Variants in NEXN observed in about 807,000 individuals in gnomAD.
The protein encoded by NEXN is nexilin.
Under a neutral mutation model 92.6 loss-of-function variants are expected in NEXN, and 65 were observed. That is an observed-to-expected ratio of 0.70 (90% confidence interval 0.57 to 0.86). The LOEUF is 0.86. Among genes scored for constraint, NEXN ranks in the 40% least tolerant of loss-of-function variants. NEXN has a pLI of 0.00. For missense variants in NEXN, 778 were observed against 771.1 expected, an observed-to-expected ratio of 1.01 and a Z score of -0.11; for synonymous variants, 254 against 242.5, an observed-to-expected ratio of 1.05 and a Z score of -0.44.
chr1:77,893,859 A>T (rs1233123915), intron 1 of NEXN, among the ~76,000 whole-genome samples: 2 of 151,084 alleles, frequency 1.3e-5, no homozygotes, highest in Non-Finnish European at 2.9e-5. Flanking sequence ...TTTAGACAGA[A>T]TTTTGCTCTT....
Position 77,925,176 on chromosome 1 carries a change from C to T in NEXN, c.448-12C>T. The T allele has an allele frequency of 6.4e-7, 1 of 1,568,796 alleles. No individual in the cohort carries two copies. The highest frequency in any genetic ancestry group is 8.8e-7 in the Non-Finnish European group (1 of 1,142,162). ...TGATGTAATGTAATGATATGAAATTCTCATTCAATAGATTGAGGACATAAA... is the reference window on the plus strand; with the variant it reads ...TGATGTAATGTAATGATATGAAATTTTCATTCAATAGATTGAGGACATAAA... On this transcript the variant is annotated splice_polypyrimidine_tract_variant and intron_variant, in intron 5 of 12. Coordinates refer to ENST00000334785, the MANE Select transcript of NEXN (RefSeq NM_144573.4).
chr1:77,903,999 TTTTA>T (rs1449702430), intron 1 of NEXN, among the ~76,000 whole-genome samples: 4 of 152,104 alleles, frequency 2.6e-5, no homozygotes, highest in Admixed American at 1.3e-4. Flanking sequence ...TAGTTTTTAT[TTTTA>T]TTTTTTTGTG....
intron 2 of NEXN, among the ~76,000 whole-genome samples, chr1:77,917,138 T>G (rs1649041515): frequency 6.6e-6 from 1 of 152,308 alleles, no homozygotes; most frequent in East Asian, 1.9e-4. Flanking sequence ...AGCCTAAACT[T>G]TTGCTTTGTT....
At chr1:77,935,795 G>C in intron 10 of NEXN, 28 bp from the exon 11 acceptor site, 2 of 1,589,142 alleles carry the variant, frequency 1.3e-6, no homozygotes, top group South Asian at 2.2e-5. Flanking sequence ...AAAAACAGCA[G>C]CAACAAACTT....
chr1:77,910,619 G>A (rs1308349693), intron 1 of NEXN, among the ~76,000 whole-genome samples: 3 of 151,622 alleles, frequency 2.0e-5, no homozygotes, highest in South Asian at 2.1e-4. Context: ...GGTGTCGTCG[G>A]TCGCGCCTGT....
intron 11 of NEXN, 117 bp downstream of exon 11, chr1:77,936,161 G>C: frequency 2.8e-6 from 2 of 704,122 alleles, no homozygotes; most frequent in Non-Finnish European, 4.8e-6. Context: ...GGTATATACA[G>C]TAATCTGGGA....
intron 9 of NEXN, 87 bp from the exon 10 acceptor site, chr1:77,933,195 A>C (rs540644150): frequency 4.2e-5 from 39 of 926,632 alleles, no homozygotes; most frequent in Non-Finnish European, 6.0e-5. Flanking sequence ...AACAAACAAA[A>C]AAAAGAAATC....
rs781511028 is a variant in NEXN at position 77,942,514 on chromosome 1, T to C, written c.1713T>C (p.Ala571=). The change falls in exon 13 of 13, where the codon GCT becomes GCC. Residue 571 remains alanine (A), a synonymous_variant. Coordinates refer to ENST00000334785, the MANE Select transcript of NEXN (RefSeq NM_144573.4). ...EEGSIMNGST[A]EDEEQTRSGA... is the part of the protein sequence containing the mutation. Reference sequence around the variant, plus strand: ...GTAGCATCATGAATGGCTCCACTGCTGAAGATGAAGAGCAAACCAGATCAG... The same window carrying C: ...GTAGCATCATGAATGGCTCCACTGCCGAAGATGAAGAGCAAACCAGATCAG... 6.2e-7 allele frequency: 1 copy of C among 1,613,898 alleles called. No individual in the cohort carries two copies. Among genetic ancestry groups the C allele is most frequent in the South Asian group, 1.1e-5 (1 of 91,066 alleles).
At position 77,892,860 on chromosome 1, in the gene NEXN, T is replaced by C. The variant is rs192330928; in HGVS notation, c.-53+4101T>C. Among the ~76,000 whole-genome samples, 1,013 of 151,952 alleles carry C rather than the reference T, an allele frequency of 6.7e-3. 10 individuals carry two copies. Among genetic ancestry groups the C allele is most frequent in the African/African-American group, 0.023 (955 of 41,418 alleles). ...TAAGGAAGTATTTCCTAGGATCTTG[T>C]AAATAATCTTTTTTTTTTTTTTTTG... On this transcript the variant is annotated intron_variant, in intron 1 of 12. Coordinates refer to ENST00000334785, the MANE Select transcript of NEXN (RefSeq NM_144573.4).
chr1:77,901,203 G>A (rs1258580531), intron 1 of NEXN, among the ~76,000 whole-genome samples: 1 of 152,066 alleles, frequency 6.6e-6, no homozygotes, highest in Non-Finnish European at 1.5e-5. Context: ...ATTAGTATAA[G>A]GTCATATTTT....
chr1:77,930,058 C>A (rs1021943182), intron 9 of NEXN, among the ~76,000 whole-genome samples: 1 of 152,212 alleles, frequency 6.6e-6, no homozygotes, highest in African/African-American at 2.4e-5. Context: ...ACTTCCTATA[C>A]CAGTTTTATG....
intron 1 of NEXN, among the ~76,000 whole-genome samples, chr1:77,907,110 G>A (rs1648175123): frequency 6.6e-6 from 1 of 152,178 alleles, no homozygotes; most frequent in Admixed American, 6.5e-5. Flanking sequence ...TTTTATTCAT[G>A]TTTTGTGACT....
intron 1 of NEXN, among the ~76,000 whole-genome samples, chr1:77,911,389 C>T (rs535933759): frequency 2.6e-5 from 4 of 152,200 alleles, no homozygotes; most frequent in South Asian, 2.1e-4. Flanking sequence ...GTCAGGAGTT[C>T]GAGACCAGCC....
In NEXN at chr1:77,935,986, C is replaced by G. The variant is rs539665448; in HGVS notation, c.1415C>G (p.Ala472Gly). 3.0e-5 allele frequency: 49 copies of G among 1,613,790 alleles called. No homozygotes were observed. Among genetic ancestry groups the G allele is most frequent in the Admixed American group, 2.2e-4 (13 of 59,988 alleles). Residue 472 changes from alanine to glycine, a missense_variant, in exon 11 of 13, where the codon GCA (alanine) becomes GGA (glycine). Physicochemically the swap from Ala to Gly is moderately conservative, Grantham distance 60. This residue lies in a region of NEXN where 532 missense variants were observed against 476.7 expected (regional missense o/e 1.12). Transcript: ENST00000334785. ...CAGAAAAAAATAGAAGAAGAGCGAG[C>G]AAGAAGGAGAGCAATTGACCTTGAA... is the stretch of plus-strand genomic sequence containing the variant. ...EIQKKIEEER[A>G]RRRAIDLEIK...
intron 1 of NEXN, among the ~76,000 whole-genome samples, chr1:77,897,127 G>A (rs2102037072): frequency 6.6e-6 from 1 of 152,296 alleles, no homozygotes; most frequent in East Asian, 1.9e-4. Flanking sequence ...CCAATCAATA[G>A]GAAAAGAGGG....
At position 77,942,489 on chromosome 1, in the gene NEXN, G is replaced by A. The variant is rs1302389645; in HGVS notation, c.1688G>A (p.Gly563Asp). The part of the protein sequence containing the change: ...KKREEEEEEE[G>D]SIMNGSTAED... ...AGAGAAGAGGAGGAGGAGGAAGAAG[G>A]TAGCATCATGAATGGCTCCACTGCT... The change falls in exon 13 of 13, where the codon GGT becomes GAT. Residue 563 changes from glycine (G) to aspartate (D), a missense_variant. Physicochemically the swap from Gly to Asp is moderately conservative, Grantham distance 94 (BLOSUM62 -1). This residue lies in a region of NEXN where 532 missense variants were observed against 476.7 expected (regional missense o/e 1.12). Transcript: ENST00000334785. The A allele has an allele frequency of 1.2e-6, 2 of 1,613,788 alleles. No individual in the cohort carries two copies. The highest frequency in any genetic ancestry group is 1.7e-6 in the Non-Finnish European group (2 of 1,179,808).
chr1:77,939,951 A>G (rs925174422), intron 11 of NEXN, among the ~76,000 whole-genome samples: 1 of 152,154 alleles, frequency 6.6e-6, no homozygotes, highest in Non-Finnish European at 1.5e-5. Flanking sequence ...GCAGACGCCT[A>G]TAATCCCAGC....
intron 9 of NEXN, among the ~76,000 whole-genome samples, chr1:77,932,413 C>T (rs925877266): frequency 6.6e-6 from 1 of 152,154 alleles, no homozygotes; most frequent in South Asian, 2.1e-4. Flanking sequence ...ATACACTTTA[C>T]GTGCTTATAA....
chr1:77,914,522 A>G (rs572399674), intron 1 of NEXN, among the ~76,000 whole-genome samples: 34 of 152,232 alleles, frequency 2.2e-4, no homozygotes, highest in African/African-American at 7.7e-4. Flanking sequence ...ATTGATATTA[A>G]TAATTACATT....
Sources: gnomAD v4.1 joint callset for allele counts (sites outside exome capture counted in the v4.1 genomes callset) on GRCh38, gnomAD v4.1.1 for gene constraint, gnomAD v4.1.1 regional missense constraint, MANE v1.5 for transcripts, NCBI Gene and HGNC (gene_info 2026-07-23, HGNC 2026-07-21) for gene names.